The following GRAMD1C variants were observed in gnomAD, a reference collection of about 807,000 sequenced individuals.
The protein encoded by GRAMD1C is GRAM domain containing 1C.
GRAMD1C carries 89 observed loss-of-function variants against 97.8 expected under a neutral mutation model. That is an observed-to-expected ratio of 0.91 (90% confidence interval 0.77 to 1.09). The LOEUF (loss-of-function observed/expected upper bound fraction) is 1.09. Ranked by LOEUF, GRAMD1C falls within the 50% of genes least tolerant of loss-of-function variation. GRAMD1C has a pLI of 0.00. For missense variants in GRAMD1C, 740 were observed against 766.4 expected (o/e 0.97, Z 0.41); for synonymous variants, 256 against 267.0 (o/e 0.96, Z 0.40).
At chr3:113,897,870 T>C (rs951396693) in intron 6 of GRAMD1C, 20 of 338,590 alleles carry the variant, frequency 5.9e-5, no homozygotes, top group Non-Finnish European at 8.4e-5. Context: ...CTAAGGTAGA[T>C]TATTTTTGCT....
intron 9 of GRAMD1C, chr3:113,913,163 A>G: frequency 8.8e-7 from 1 of 1,135,616 alleles, no homozygotes; most frequent in Middle Eastern, 2.3e-4. Context: ...CCAAATAGGT[A>G]AGTAGCACCA....
At chr3:113,835,865 C>T (rs896756533), upstream of GRAMD1C, among the ~76,000 whole-genome samples, 1 of 152,156 alleles carries the variant, frequency 6.6e-6, no homozygotes, top group Non-Finnish European at 1.5e-5. Context: ...TTATGTTTAA[C>T]AGAACACAGT....
intron 8 of GRAMD1C, among the ~76,000 whole-genome samples, chr3:113,904,719 G>A (rs1308394369): frequency 6.6e-6 from 1 of 151,778 alleles, no homozygotes; most frequent in Non-Finnish European, 1.5e-5. Flanking sequence ...AACAATAGCT[G>A]CTTTTTAAGC....
intron 1 of GRAMD1C, among the ~76,000 whole-genome samples, chr3:113,841,606 A>C (rs563230452): frequency 2.0e-5 from 3 of 152,044 alleles, no homozygotes; most frequent in African/African-American, 7.2e-5. Flanking sequence ...TAGGTCTTAC[A>C]TAACAAGTTT....
chr3:113,889,857 C>T (rs1034113261), intron 6 of GRAMD1C, among the ~76,000 whole-genome samples: 6 of 152,074 alleles, frequency 3.9e-5, no homozygotes, highest in African/African-American at 1.2e-4. Flanking sequence ...AGGCTGGTCT[C>T]GAACTCCCGA....
chr3:113,857,468 C>T (rs949741261), intron 2 of GRAMD1C, among the ~76,000 whole-genome samples: 11 of 151,752 alleles, frequency 7.2e-5, no homozygotes, highest in Admixed American at 4.6e-4. Context: ...CTCCACCTCC[C>T]GGGTTCACAC....
chr3:113,941,897 GC>G lies in GRAMD1C; in HGVS notation c.1908+1553del, dbSNP rs1334559866. On this transcript the variant is annotated intron_variant, in intron 17 of 17. Coordinates refer to ENST00000358160, the MANE Select transcript of GRAMD1C (RefSeq NM_017577.5). ...GCCTCCCAAAGTGTTGGGATTAAAGGCATGAGCCACCGTGCCCGGCCATCTT... is the reference window on the plus strand; with the variant it reads ...GCCTCCCAAAGTGTTGGGATTAAAGGATGAGCCACCGTGCCCGGCCATCTT... Among the ~76,000 whole-genome samples the G allele has an allele frequency of 5.3e-5, 8 of 151,558 alleles. No homozygotes were observed. In the East Asian group the frequency reaches 1.4e-3, roughly 26 times the overall value.
intron 2 of GRAMD1C, among the ~76,000 whole-genome samples, chr3:113,863,313 T>A (rs1360376466): frequency 6.6e-6 from 1 of 152,180 alleles, no homozygotes; most frequent in East Asian, 1.9e-4. Context: ...ACCTACATAA[T>A]GCTGAGTGAT....
chr3:113,878,910 CAT>C (rs1448880713), intron 5 of GRAMD1C, among the ~76,000 whole-genome samples: 1 of 151,940 alleles, frequency 6.6e-6, no homozygotes, highest in African/African-American at 2.4e-5. Flanking sequence ...CAGAGGCTCT[CAT>C]GTAAAAATTC....
intron 1 of GRAMD1C, among the ~76,000 whole-genome samples, chr3:113,828,967 A>C (rs1709523468): frequency 6.6e-6 from 1 of 152,224 alleles, no homozygotes; most frequent in Admixed American, 6.5e-5. Flanking sequence ...AACTAGATTT[A>C]CAAACATTTA....
At position 113,928,589 on chromosome 3, in the gene GRAMD1C, T is replaced by C. The variant is rs750748033; in HGVS notation, c.1091-2125T>C. Among the ~76,000 whole-genome samples, 26 of 152,240 alleles carry C rather than the reference T, an allele frequency of 1.7e-4. 1 individual carries two copies. The highest frequency in any genetic ancestry group is 2.9e-5 in the Non-Finnish European group (2 of 68,046). On this transcript the variant is annotated intron_variant, in intron 10 of 17. Coordinates refer to ENST00000358160, the MANE Select transcript of GRAMD1C (RefSeq NM_017577.5). The stretch of plus-strand genomic sequence containing the variant: ...ACCATCCATCTTCAGAACTTTTTAA[T>C]CTTTCCAAACTGAAATGCTATACCT...
chr3:113,845,274 C>T (rs532880871), intron 2 of GRAMD1C, among the ~76,000 whole-genome samples: 36 of 152,184 alleles, frequency 2.4e-4, no homozygotes, highest in Non-Finnish European at 4.7e-4. Flanking sequence ...TTAAAGGACT[C>T]ATTCTAAATC....
intron 3 of GRAMD1C, among the ~76,000 whole-genome samples, chr3:113,871,744 CA>C (rs1179822586): frequency 0.02 from 1,327 of 65,370 alleles, no homozygotes; most frequent in East Asian, 0.049. Flanking sequence ...GACTCTGTCT[CA>C]AAAAAAAAAA....
chr3:113,850,851 G>A (rs1933868665), intron 2 of GRAMD1C: 1 of 378,968 alleles, frequency 2.6e-6, no homozygotes, highest in Admixed American at 4.6e-5. Context: ...ACCCAGGCAG[G>A]AGTGCAGTGG....
intron 11 of GRAMD1C, among the ~76,000 whole-genome samples, chr3:113,932,479 T>G (rs1937472613): frequency 6.6e-6 from 1 of 152,174 alleles, no homozygotes; most frequent in South Asian, 2.1e-4. Flanking sequence ...GTTACTACCC[T>G]TCTTGACTTT....
chr3:113,882,653 T>G, intron 5 of GRAMD1C, 99 bp from the exon 6 acceptor site: 1 of 692,374 alleles, frequency 1.4e-6, no homozygotes, highest in East Asian at 2.5e-5. Context: ...GACCTACTAG[T>G]TTGTTTTAAC....
chr3:113,858,155 A>C (rs1934223832), intron 2 of GRAMD1C, among the ~76,000 whole-genome samples: 1 of 152,076 alleles, frequency 6.6e-6, no homozygotes, highest in Non-Finnish European at 1.5e-5. Context: ...TGTGAACTTA[A>C]TTTCCTTAAT....
chr3:113,828,705 G>T (rs565110023), intron 1 of GRAMD1C, among the ~76,000 whole-genome samples: 1 of 151,966 alleles, frequency 6.6e-6, no homozygotes, highest in East Asian at 1.9e-4. Flanking sequence ...TGCTCATGTC[G>T]CTTTCTTCTA....
chr3:113,872,279 T>G (rs1934844184), intron 3 of GRAMD1C, among the ~76,000 whole-genome samples: 1 of 152,052 alleles, frequency 6.6e-6, no homozygotes, highest in East Asian at 1.9e-4. Context: ...GGATTATATA[T>G]ATAGAAAAAA....
Sources: allele counts gnomAD v4.1 joint callset (sites outside exome capture counted in the v4.1 genomes callset), GRCh38; gene constraint gnomAD v4.1.1; transcripts MANE v1.5; gene names NCBI Gene and HGNC (gene_info 2026-07-23, HGNC 2026-07-21).